Variants in TRIP4 observed in about 807,000 individuals in gnomAD.
TRIP4 encodes thyroid hormone receptor interactor 4.
In TRIP4, 54 loss-of-function variants were observed where a neutral mutation model predicts 81.8. The ratio of observed to expected loss-of-function variants is 0.66; its 90% CI spans 0.53 to 0.83. The LOEUF is 0.83. Among genes scored for constraint, TRIP4 ranks in the 40% least tolerant of loss-of-function variants. The pLI is 0.00. For synonymous variants in TRIP4, 270 were observed against 242.8 expected, an observed-to-expected ratio of 1.11 and a Z score of -1.04; for missense variants, 662 against 683.6, an observed-to-expected ratio of 0.97 and a Z score of 0.35.
intron 7 of TRIP4, among the ~76,000 whole-genome samples, chr15:64,411,005 T>A (rs527376913): frequency 2.6e-5 from 4 of 152,196 alleles, no homozygotes; most frequent in Non-Finnish European, 5.9e-5. Flanking sequence ...TCATCAAATT[T>A]GGCTTAAATT....
chr15:64,412,702 A>T (rs1032309130), intron 7 of TRIP4, among the ~76,000 whole-genome samples: 4 of 152,140 alleles, frequency 2.6e-5, no homozygotes, highest in Admixed American at 1.3e-4. Context: ...GAAGCTTTTC[A>T]TTATGTTGTG....
At chr15:64,388,400 G>C (rs1469603395) in intron 1 of TRIP4, among the ~76,000 whole-genome samples, 1 of 152,158 alleles carries the variant, frequency 6.6e-6, no homozygotes, top group East Asian at 1.9e-4. Context: ...TCCGCCTTCC[G>C]GGTTCAGGTG....
intron 5 of TRIP4, among the ~76,000 whole-genome samples, chr15:64,403,068 T>A (rs1891547214): frequency 1.3e-5 from 2 of 151,802 alleles, no homozygotes; most frequent in African/African-American, 4.8e-5. Flanking sequence ...TTCACTGTGT[T>A]AGCCAAGATG....
intron 9 of TRIP4, among the ~76,000 whole-genome samples, chr15:64,422,005 G>T (rs1434616899): frequency 1.3e-5 from 2 of 151,332 alleles, no homozygotes. Context: ...AGATTGCCTG[G>T]GTGATAGAGT....
intron 6 of TRIP4, among the ~76,000 whole-genome samples, chr15:64,408,250 T>A (rs1369883089): frequency 6.5e-4 from 5 of 7,738 alleles, no homozygotes; most frequent in Admixed American, 4.9e-3. Flanking sequence ...AGAAGACAAA[T>A]TTTTTTTTTT....
In TRIP4 at chr15:64,397,687, G is replaced by T. The variant is rs746409740; in HGVS notation, c.487G>T (p.Val163Phe). Residue 163 changes from valine (V) to phenylalanine (F), a missense_variant, in exon 4 of 13, where the codon GTC (valine) becomes TTC (phenylalanine). Coordinates refer to ENST00000261884, the MANE Select transcript of TRIP4 (RefSeq NM_016213.5). ...AAGAGAGGGACAGGACAGGCTTGCAGTCCTGCTCCCTGGTCGTCACCCTTG... is the reference window on the plus strand; with the variant it reads ...AAGAGAGGGACAGGACAGGCTTGCATTCCTGCTCCCTGGTCGTCACCCTTG... The part of the protein sequence containing the change: ...YTREGQDRLA[V>F]LLPGRHPCDC... 1 of 1,614,250 alleles carries T rather than the reference G, an allele frequency of 6.2e-7. No individual in the cohort carries two copies. Among genetic ancestry groups the T allele is most frequent in the African/African-American group, 1.3e-5 (1 of 75,060 alleles).
chr15:64,434,827 G>T (rs1892353581), intron 11 of TRIP4, among the ~76,000 whole-genome samples: 1 of 152,122 alleles, frequency 6.6e-6, no homozygotes, highest in African/African-American at 2.4e-5. Flanking sequence ...GAAAGAATAT[G>T]CTGTAGTGTC....
chr15:64,441,642 G>A (rs902018095), intron 11 of TRIP4, among the ~76,000 whole-genome samples: 1 of 151,968 alleles, frequency 6.6e-6, no homozygotes, highest in African/African-American at 2.4e-5. Context: ...GCATAGTGCC[G>A]GGCACTTGTA....
At chr15:64,440,983 T>G (rs1301915025) in intron 11 of TRIP4, among the ~76,000 whole-genome samples, 1 of 151,304 alleles carries the variant, frequency 6.6e-6, no homozygotes, top group East Asian at 1.9e-4. Flanking sequence ...CACAAGTTGG[T>G]AAATTCATTT....
intron 9 of TRIP4, among the ~76,000 whole-genome samples, 177 bp downstream of exon 9, chr15:64,418,905 T>G (rs1434574394): frequency 1.3e-5 from 2 of 152,204 alleles, no homozygotes; most frequent in African/African-American, 4.8e-5. Flanking sequence ...TATTTTAAAA[T>G]TAATTTCAAA....
intron 11 of TRIP4, among the ~76,000 whole-genome samples, chr15:64,438,836 T>A (rs1015926116): frequency 6.6e-6 from 1 of 152,216 alleles, no homozygotes; most frequent in African/African-American, 2.4e-5. Context: ...TTACTGTCGA[T>A]AAAATGAGAC....
intron 11 of TRIP4, among the ~76,000 whole-genome samples, chr15:64,439,599 C>T (rs1011151574): frequency 1.6e-5 from 2 of 125,644 alleles, no homozygotes; most frequent in Admixed American, 1.0e-4. Context: ...TCTTGGCTCA[C>T]TGCAACCTCC....
At chr15:64,394,604 CAA>C (rs71133423) in intron 2 of TRIP4, among the ~76,000 whole-genome samples, 13 of 53,102 alleles carry the variant, frequency 2.4e-4, no homozygotes, top group Admixed American at 4.2e-4. Flanking sequence ...GACTCCATCT[CAA>C]AAAAAAAAAA....
At chr15:64,454,285 T>A (rs1174126896) in intron 12 of TRIP4, among the ~76,000 whole-genome samples, 1 of 152,168 alleles carries the variant, frequency 6.6e-6, no homozygotes, top group Non-Finnish European at 1.5e-5. Flanking sequence ...AAGATTCTCC[T>A]AATGAGATGG....
rs181058718 is a variant in TRIP4 at position 64,414,317 on chromosome 15, A to G, written c.1170+106A>G. 123 of 1,456,660 alleles carry G rather than the reference A, an allele frequency of 8.4e-5. No homozygotes were observed. The African/African-American group carries it at 1.6e-3, about 19-fold the overall frequency. 90.2% of individuals were successfully genotyped at this position (1,456,660 alleles called of 1,614,324 possible). ...CTTCAGATACCAATCAGCTCTCTCAATACACCTGTACCAATCAGCTCTCTC... is the reference window on the plus strand; with the variant it reads ...CTTCAGATACCAATCAGCTCTCTCAGTACACCTGTACCAATCAGCTCTCTC... On this transcript the variant is annotated intron_variant, in intron 8 of 12. Transcript: ENST00000261884.
intron 12 of TRIP4, among the ~76,000 whole-genome samples, chr15:64,445,623 T>C (rs1423451521): frequency 7.2e-6 from 1 of 139,010 alleles, no homozygotes; most frequent in Non-Finnish European, 1.5e-5. Context: ...GAGCTGAGAT[T>C]GTGCCATTAC....
At chr15:64,389,708 CTTTTTTTTTTT>C (rs368526429) in intron 1 of TRIP4, among the ~76,000 whole-genome samples, 4 of 127,288 alleles carry the variant, frequency 3.1e-5, no homozygotes, top group Admixed American at 1.6e-4. Flanking sequence ...AAAATTTTCA[CTTTTTTTTTTT>C]TTTTTTTTTG....
intron 4 of TRIP4, among the ~76,000 whole-genome samples, chr15:64,399,900 G>C (rs560366804): frequency 6.6e-6 from 1 of 151,222 alleles, no homozygotes; most frequent in Non-Finnish European, 1.5e-5. Context: ...ACTTGAGCCC[G>C]GGAGGTGGAG....
At chr15:64,413,639 G>T (rs1335379508) in intron 7 of TRIP4, among the ~76,000 whole-genome samples, 1 of 151,716 alleles carries the variant, frequency 6.6e-6, no homozygotes, top group African/African-American at 2.4e-5. Flanking sequence ...GCCCAGGCTG[G>T]AGTGCAGTGG....
Sources: allele counts gnomAD v4.1 joint callset (sites outside exome capture counted in the v4.1 genomes callset), GRCh38; gene constraint gnomAD v4.1.1; transcripts MANE v1.5; gene names NCBI Gene and HGNC (gene_info 2026-07-23, HGNC 2026-07-21).